The following PCNX1 variants were observed in gnomAD, a reference collection of about 807,000 sequenced individuals.
PCNX1 encodes the protein pecanex-like protein 1.
In PCNX1, 78 loss-of-function variants were observed where a neutral mutation model predicts 242.2. That is an observed-to-expected ratio of 0.32 (90% CI 0.27 to 0.39). PCNX1 has a LOEUF of 0.39. Ranked by LOEUF, PCNX1 falls within the 10% of genes least tolerant of loss-of-function variation. PCNX1 has a pLI of 1.00. For synonymous variants in PCNX1, 1,024 were observed against 1,032.9 expected (o/e 0.99, Z 0.17); for missense variants, 2,581 against 2,856.5 (o/e 0.90, Z 2.20).
At chr14:70,933,159 T>C (rs1194976448) in intron 1 of PCNX1, among the ~76,000 whole-genome samples, 1 of 152,258 alleles carries the variant, frequency 6.6e-6, no homozygotes. Flanking sequence ...CTGTTGAATG[T>C]GCCTTGATTT....
intron 3 of PCNX1, among the ~76,000 whole-genome samples, chr14:70,966,004 G>A (rs1296976438): frequency 6.6e-6 from 1 of 152,098 alleles, no homozygotes; most frequent in East Asian, 1.9e-4. Flanking sequence ...ATGAGTGAGG[G>A]CAAACAGGAA....
chr14:70,976,650 A>G (rs568359889), intron 5 of PCNX1, among the ~76,000 whole-genome samples: 7 of 152,066 alleles, frequency 4.6e-5, no homozygotes, highest in South Asian at 2.1e-4. Flanking sequence ...TGGGATTACA[A>G]GCGTGAGCCA....
chr14:71,043,513 C>T (rs1420341966), intron 19 of PCNX1, among the ~76,000 whole-genome samples: 6 of 146,360 alleles, frequency 4.1e-5, no homozygotes. Flanking sequence ...CTCCCTCCCT[C>T]CCTTCCTTCC....
intron 9 of PCNX1, among the ~76,000 whole-genome samples, chr14:71,010,921 C>T (rs1187629155): frequency 6.6e-6 from 1 of 152,036 alleles, no homozygotes; most frequent in Non-Finnish European, 1.5e-5. Flanking sequence ...CAGAATTCAC[C>T]CTCTCAAAAA....
intron 1 of PCNX1, among the ~76,000 whole-genome samples, chr14:70,915,230 A>G (rs2056102798): frequency 6.6e-6 from 1 of 152,180 alleles, no homozygotes; most frequent in African/African-American, 2.4e-5. Flanking sequence ...TAAAGATGCC[A>G]ACATGAGGAT....
chr14:71,108,903 C>G lies in PCNX1; in HGVS notation c.6601C>G (p.Pro2201Ala). 5 of 1,614,212 alleles carry G rather than the reference C, an allele frequency of 3.1e-6. No homozygotes were observed. Among genetic ancestry groups the G allele is most frequent in the Non-Finnish European group, 4.2e-6 (5 of 1,180,024 alleles). ...CTCCAGCAGCTCCAGCCAAAGCATC[C>G]CAGCCTGCAAACATCACACTCTCGT... is the stretch of plus-strand genomic sequence containing the variant. ...PSSSSSSQSI[P>A]ACKHHTLVGF... Residue 2201 changes from proline to alanine, a missense_variant, in exon 34 of 36, where the codon CCA (proline) becomes GCA (alanine). Transcript: ENST00000304743.
At chr14:71,002,220 A>C (rs1309374575) in intron 8 of PCNX1, among the ~76,000 whole-genome samples, 1 of 152,174 alleles carries the variant, frequency 6.6e-6, no homozygotes, top group Non-Finnish European at 1.5e-5. Flanking sequence ...AATAATTTTT[A>C]AATGGAACCA....
At position 71,026,128 on chromosome 14, in the gene PCNX1, T is replaced by A. The variant is rs1454515977; in HGVS notation, c.3195T>A (p.Arg1065=). The A allele has an allele frequency of 2.5e-5, 40 of 1,585,254 alleles. No individual in the cohort carries two copies. The highest frequency in any genetic ancestry group is 3.3e-5 in the Non-Finnish European group (38 of 1,165,278). The change falls in exon 14 of 36, where the codon CGT becomes CGA. Residue 1065 remains arginine (R), a synonymous_variant. Transcript: ENST00000304743. ...DSSSPRHGHN[R]IIAYSRPVYF... is the part of the protein sequence containing the mutation. The stretch of plus-strand genomic sequence containing the variant: ...AATATCATTTTCAGGGTCATAATCG[T>A]ATCATTGCCTACAGTAGACCAGTTT...
In PCNX1 at chr14:70,998,486, C is replaced by T. The variant is rs2059415109; in HGVS notation, c.2629+2561C>T. Among the ~76,000 whole-genome samples, 3 of 151,828 alleles carry T rather than the reference C, an allele frequency of 2.0e-5. No homozygotes were observed. In the South Asian group the frequency reaches 6.2e-4, roughly 32 times the overall value. On this transcript the variant is annotated intron_variant, in intron 8 of 35. Coordinates refer to ENST00000304743, the MANE Select transcript of PCNX1 (RefSeq NM_014982.3). ...AAAACTTAGGCTGGGCTCGGTGGCT[C>T]ATGCCTGTACTCCCAGTACTTTGGG...
Position 70,917,314 on chromosome 14 carries a change from T to A in PCNX1, c.153+9311T>A, listed in dbSNP as rs561473860. 1.6e-4 allele frequency among the ~76,000 whole-genome samples: 25 copies of A among 152,346 alleles called. 1 individual carries two copies. The East Asian group carries it at 4.4e-3, about 27-fold the overall frequency. On this transcript the variant is annotated intron_variant, in intron 1 of 35. Coordinates refer to ENST00000304743, the MANE Select transcript of PCNX1 (RefSeq NM_014982.3). The stretch of plus-strand genomic sequence containing the variant: ...AGACCTTTCCAGAAGGTTCTCAGTT[T>A]ACTTCATCCAGATCCATCAGAGGAA...
intron 1 of PCNX1, among the ~76,000 whole-genome samples, chr14:70,930,923 T>G (rs1179087972): frequency 1.3e-5 from 2 of 152,196 alleles, no homozygotes; most frequent in Non-Finnish European, 2.9e-5. Flanking sequence ...GCAAGAGGGC[T>G]AAATCCCTGG....
Position 71,089,278 on chromosome 14 carries a change from C to G in PCNX1, c.5525C>G (p.Ala1842Gly), listed in dbSNP as rs1448161243. 3 of 1,612,054 alleles carry G rather than the reference C, an allele frequency of 1.9e-6. No homozygotes were observed. The highest frequency in any genetic ancestry group is 2.5e-6 in the Non-Finnish European group (3 of 1,178,488). The part of the protein sequence containing the change: ...ISSIRDEWIF[A>G]DMELLRKVVV... The stretch of plus-strand genomic sequence containing the variant: ...TCAATTCGAGATGAATGGATCTTTG[C>G]TGACATGGAATTGCTAAGAAAAGTA... The change falls in exon 30 of 36, where the codon GCT becomes GGT. Residue 1842 changes from alanine (A) to glycine (G), a missense_variant. Transcript: ENST00000304743.
In PCNX1 at chr14:71,036,057, C is replaced by A; in HGVS notation, c.3775-8C>A. ...TAATTGTTTAATAATTCTTTTTTTT[C>A]CCCACAGAGTGAGCGATTACAGTCT... On this transcript the variant is annotated splice_polypyrimidine_tract_variant and splice_region_variant and intron_variant, in intron 18 of 35. Transcript: ENST00000304743. The A allele has an allele frequency of 6.6e-7, 1 of 1,524,404 alleles. No individual in the cohort carries two copies. Among genetic ancestry groups the A allele is most frequent in the South Asian group, 1.2e-5 (1 of 83,302 alleles). 94.4% of individuals were successfully genotyped at this position (1,524,404 alleles called of 1,614,324 possible). A position where few individuals can be genotyped will look rare whatever the true frequency, so the allele number is the denominator to read the frequency against.
At position 70,995,912 on chromosome 14, in the gene PCNX1, G is replaced by A. The variant is rs774022893; in HGVS notation, c.2616G>A (p.Leu872=). 3 of 1,613,662 alleles carry A rather than the reference G, an allele frequency of 1.9e-6. No homozygotes were observed. Among genetic ancestry groups the A allele is most frequent in the South Asian group, 1.1e-5 (1 of 91,066 alleles). The change falls in exon 8 of 36, where the codon TTG becomes TTA. Residue 872 remains leucine (L), a synonymous_variant. Coordinates refer to ENST00000304743, the MANE Select transcript of PCNX1 (RefSeq NM_014982.3). The part of the protein sequence containing the change: ...DNASAVGGSS[L]HDELGKFSST... The stretch of plus-strand genomic sequence containing the variant: ...CATCTGCTGTAGGCGGTAGCAGTTT[G>A]CACGATGAACTTGGTATGCAGGCCT...
chr14:71,012,965 C>T lies in PCNX1; in HGVS notation c.2779-20C>T. On this transcript the variant is annotated intron_variant, in intron 10 of 35. Coordinates refer to ENST00000304743, the MANE Select transcript of PCNX1 (RefSeq NM_014982.3). ...AATATTGAAGATATTTTAAGCCTTT[C>T]AATGCTGACTTTCTTTTAGCTCTCT... 2 of 1,515,232 alleles carry T rather than the reference C, an allele frequency of 1.3e-6. No homozygotes were observed. The highest frequency in any genetic ancestry group is 2.2e-5 in the South Asian group (2 of 89,114). The allele number at this position is 1,515,232 out of a possible 1,614,324, so 93.9% of individuals were successfully genotyped here. A position where few individuals can be genotyped will look rare whatever the true frequency, so the allele number is the denominator to read the frequency against.
chr14:70,931,658 T>A (rs2056804197), intron 1 of PCNX1, among the ~76,000 whole-genome samples: 1 of 152,238 alleles, frequency 6.6e-6, no homozygotes, highest in Non-Finnish European at 1.5e-5. Context: ...TTCTACAAGA[T>A]ACTATTAGCA....
At chr14:71,066,774 A>G (rs370956405) in intron 26 of PCNX1, among the ~76,000 whole-genome samples, 2 of 152,162 alleles carry the variant, frequency 1.3e-5, no homozygotes, top group African/African-American at 2.4e-5. Flanking sequence ...TTATTTTGAG[A>G]TAGGTTCCAT....
intron 28 of PCNX1, among the ~76,000 whole-genome samples, chr14:71,079,359 C>A (rs2061794471): frequency 6.6e-6 from 1 of 151,968 alleles, no homozygotes; most frequent in African/African-American, 2.4e-5. Flanking sequence ...GTGTGTATAC[C>A]CAAAATGGGA....
Position 71,026,244 on chromosome 14 carries a change from T to C in PCNX1, c.3311T>C (p.Phe1104Ser), listed in dbSNP as rs1373345795. 6.2e-7 allele frequency: 1 copy of C among 1,611,086 alleles called. No homozygotes were observed. The highest frequency in any genetic ancestry group is 1.7e-5 in the Admixed American group (1 of 59,794). ...ATKFKLYGIT[F>S]TNPLVFISAR... Reference sequence around the variant, plus strand: ...AAGTTCAAATTATATGGAATAACTTTCACCAATCCACTGGTGTTTATATCA... The same window carrying C: ...AAGTTCAAATTATATGGAATAACTTCCACCAATCCACTGGTGTTTATATCA... Residue 1104 changes from phenylalanine (F) to serine (S), a missense_variant, in exon 14 of 36, where the codon TTC becomes TCC. Coordinates refer to ENST00000304743, the MANE Select transcript of PCNX1 (RefSeq NM_014982.3).
Sources: allele counts gnomAD v4.1 joint callset (sites outside exome capture counted in the v4.1 genomes callset), GRCh38; gene constraint gnomAD v4.1.1; transcripts MANE v1.5; gene names NCBI Gene and HGNC (gene_info 2026-07-23, HGNC 2026-07-21).